Variants in CNOT10 observed in about 807,000 individuals in gnomAD.
CNOT10 encodes CCR4-NOT transcription complex subunit 10.
Under a neutral mutation model 94.6 loss-of-function variants are expected in CNOT10, and 30 were observed. The ratio of observed to expected loss-of-function variants is 0.32; its 90% CI spans 0.24 to 0.43. The LOEUF is 0.43. Among genes scored for constraint, CNOT10 ranks in the 20% least tolerant of loss-of-function variants. The probability of loss-of-function intolerance (pLI) is 1.00; values close to 1 mark genes in which losing one functional copy is unlikely to be tolerated. For missense variants in CNOT10, 759 were observed against 877.2 expected, an observed-to-expected ratio of 0.87 and a Z score of 1.70; for synonymous variants, 289 against 301.6, an observed-to-expected ratio of 0.96 and a Z score of 0.43.
chr3:32,713,087 G>A, intron 4 of CNOT10, 140 bp from the exon 5 acceptor site: 1 of 590,048 alleles, frequency 1.7e-6, no homozygotes, highest in Non-Finnish European at 2.8e-6. Context: ...TTCATTCGTG[G>A]CTCTAGGTGA....
chr3:32,721,429 C>CTTTTTTTTTTT (rs58351356), intron 8 of CNOT10, among the ~76,000 whole-genome samples: 1 of 72,608 alleles, frequency 1.4e-5, no homozygotes, highest in Non-Finnish European at 2.4e-5. Context: ...TTTCTTTCAT[C>CTTTTTTTTTTT]TTTTTTTTTT....
chr3:32,713,090 C>G (rs1434099322), intron 4 of CNOT10, 137 bp from the exon 5 acceptor site: 8 of 611,456 alleles, frequency 1.3e-5, no homozygotes, highest in Non-Finnish European at 2.1e-5. Flanking sequence ...ATTCGTGGCT[C>G]TAGGTGATAG....
intron 1 of CNOT10, among the ~76,000 whole-genome samples, chr3:32,696,502 A>G (rs957652427): frequency 1.3e-5 from 2 of 152,198 alleles, no homozygotes; most frequent in African/African-American, 4.8e-5. Context: ...TTAACATGTA[A>G]AAGGTTATTT....
chr3:32,744,462 G>A (rs1044481864), intron 13 of CNOT10, among the ~76,000 whole-genome samples: 4 of 151,770 alleles, frequency 2.6e-5, no homozygotes, highest in African/African-American at 9.7e-5. Flanking sequence ...AGTATTTTCG[G>A]TTTTTTTCAT....
At position 32,745,429 on chromosome 3, in the gene CNOT10, C is replaced by T. The variant is rs532106078; in HGVS notation, c.1595+7939C>T. Among the ~76,000 whole-genome samples the T allele has an allele frequency of 2.0e-5, 3 of 150,978 alleles. No individual in the cohort carries two copies. The East Asian group carries it at 5.9e-4, about 30-fold the overall frequency. On this transcript the variant is annotated intron_variant, in intron 13 of 18. Transcript: ENST00000328834. ...GAAATTTGCTTCAGTTTCTGAACCA[C>T]TCAATGCTGTATGAAGCCATAAGTT...
At chr3:32,729,799 C>T (rs1229044393) in intron 10 of CNOT10, among the ~76,000 whole-genome samples, 4 of 125,210 alleles carry the variant, frequency 3.2e-5, no homozygotes, top group South Asian at 2.6e-4. Flanking sequence ...GACGGAGTCT[C>T]GCCCTGTCGC....
intron 13 of CNOT10, among the ~76,000 whole-genome samples, chr3:32,737,823 A>G (rs1187381918): frequency 2.0e-5 from 3 of 152,018 alleles, no homozygotes; most frequent in African/African-American, 4.8e-5. Context: ...AAAAGAACAC[A>G]TTCTTTTTTA....
chr3:32,770,510 A>G (rs933431452), intron 18 of CNOT10, among the ~76,000 whole-genome samples: 1 of 151,572 alleles, frequency 6.6e-6, no homozygotes, highest in Non-Finnish European at 1.5e-5. Flanking sequence ...TATTTTTAGT[A>G]GAGACAGGGT....
rs1208865311 is a variant in CNOT10 at position 32,773,692 on chromosome 3, TA to T, written c.*85del. 1 of 1,386,924 alleles carries T rather than the reference TA, an allele frequency of 7.2e-7. No homozygotes were observed. The highest frequency in any genetic ancestry group is 9.7e-7 in the Non-Finnish European group (1 of 1,031,374). The allele number at this position is 1,386,924 out of a possible 1,614,324, so 85.9% of individuals were successfully genotyped here. ...TTTAGTTGTATCACAGCAGAATGAA[TA>T]AAAGATGGTGAAGGCTGTTAATTTT... is the stretch of plus-strand genomic sequence containing the variant. On this transcript the variant is annotated 3_prime_UTR_variant, in exon 19 of 19. Transcript: ENST00000328834.
Position 32,729,822 on chromosome 3 carries a change from G to A in CNOT10, c.1215+1952G>A, listed in dbSNP as rs993193091. ...CTCGCCCTGTCGCCCAGGCTGGAGT[G>A]CAGTGGCGGGATCTCGGCTCACTGC... is the stretch of plus-strand genomic sequence containing the variant. On this transcript the variant is annotated intron_variant, in intron 10 of 18. Coordinates refer to ENST00000328834, the MANE Select transcript of CNOT10 (RefSeq NM_015442.3). 2.4e-5 allele frequency among the ~76,000 whole-genome samples: 3 copies of A among 124,320 alleles called. No individual in the cohort carries two copies. The South Asian group carries it at 8.0e-4, about 33-fold the overall frequency. The allele number at this position is 124,320 out of a possible 152,430, so 81.6% of individuals were successfully genotyped here.
chr3:32,731,829 A>G (rs1227515629), intron 10 of CNOT10, among the ~76,000 whole-genome samples: 2 of 152,122 alleles, frequency 1.3e-5, no homozygotes, highest in African/African-American at 2.4e-5. Flanking sequence ...CTGTATTCCC[A>G]GCACTTCGGG....
chr3:32,723,915 C>CA (rs1329678835), intron 8 of CNOT10, among the ~76,000 whole-genome samples: 2 of 151,896 alleles, frequency 1.3e-5, no homozygotes, highest in Non-Finnish European at 2.9e-5. Flanking sequence ...CCTGTCTCTG[C>CA]AAAAAAATTA....
chr3:32,750,213 G>A (rs978515683), intron 13 of CNOT10, among the ~76,000 whole-genome samples: 7 of 151,970 alleles, frequency 4.6e-5, no homozygotes, highest in Admixed American at 3.3e-4. Context: ...AAAAAGTAAG[G>A]CCTGGGCACA....
chr3:32,739,443 A>G (rs1699351084), intron 13 of CNOT10, among the ~76,000 whole-genome samples: 1 of 152,068 alleles, frequency 6.6e-6, no homozygotes, highest in African/African-American at 2.4e-5. Context: ...CCTTTTCTAC[A>G]CAGTTCCCTT....
In CNOT10 at chr3:32,769,515, C is replaced by T. The variant is rs1049104002; in HGVS notation, c.2005-372C>T. 4.7e-5 allele frequency: 9 copies of T among 190,750 alleles called. No homozygotes were observed. In the South Asian group the frequency reaches 1.1e-3, roughly 23 times the overall value. 11.8% of individuals were successfully genotyped at this position (190,750 alleles called of 1,614,324 possible). A position where few individuals can be genotyped will look rare whatever the true frequency, so the allele number is the denominator to read the frequency against. On this transcript the variant is annotated intron_variant, in intron 17 of 18. Coordinates refer to ENST00000328834, the MANE Select transcript of CNOT10 (RefSeq NM_015442.3). ...ATTACTATAAGTTTGAATTATTATT[C>T]CTGACATTGACAACTTACAGTTTGT...
intron 6 of CNOT10, 76 bp from the exon 7 acceptor site, chr3:32,717,078 G>T: frequency 1.3e-6 from 1 of 783,580 alleles, no homozygotes; most frequent in Non-Finnish European, 2.1e-6. Flanking sequence ...AAATAGATTG[G>T]GTTTTCTTAA....
At chr3:32,693,878 A>G (rs1298295499) in intron 1 of CNOT10, among the ~76,000 whole-genome samples, 1 of 152,128 alleles carries the variant, frequency 6.6e-6, no homozygotes, top group Non-Finnish European at 1.5e-5. Flanking sequence ...TAAAATGTAT[A>G]ATTGACTGAA....
At chr3:32,763,151 A>T (rs748452285) in intron 15 of CNOT10, among the ~76,000 whole-genome samples, 1 of 152,130 alleles carries the variant, frequency 6.6e-6, no homozygotes, top group Non-Finnish European at 1.5e-5. Context: ...TCTAAAATCC[A>T]TAGGGGAGTA....
At chr3:32,716,360 A>G in intron 6 of CNOT10, 49 bp downstream of exon 6, 1 of 910,386 alleles carries the variant, frequency 1.1e-6, no homozygotes, top group Non-Finnish European at 1.7e-6. Flanking sequence ...ATTTAATTGT[A>G]GTTATGACAA....
Sources: allele counts gnomAD v4.1 joint callset (sites outside exome capture counted in the v4.1 genomes callset), GRCh38; gene constraint gnomAD v4.1.1; transcripts MANE v1.5; gene names NCBI Gene and HGNC (gene_info 2026-07-23, HGNC 2026-07-21).